The following ASIC2 variants were observed in gnomAD, a reference collection of about 807,000 sequenced individuals.
ASIC2 encodes acid sensing ion channel subunit 2, also known as acid-sensing ion channel 2.
A neutral mutation model predicts 57.3 loss-of-function variants in ASIC2; 25 were observed. The observed-to-expected ratio is 0.44, with a 90% CI of 0.32 to 0.61. The LOEUF is 0.61. ASIC2 is among the 20% of genes least tolerant of loss of function. The probability of loss-of-function intolerance (pLI) is 0.06; values close to 1 mark genes in which losing one functional copy is unlikely to be tolerated. For missense variants in ASIC2, 641 were observed against 738.1 expected (o/e 0.87, Z 1.52); for synonymous variants, 319 against 307.5 (o/e 1.04, Z -0.39).
At chr17:33,813,329 T>C (rs1483457596) in intron 1 of ASIC2, among the ~76,000 whole-genome samples, 1 of 152,172 alleles carries the variant, frequency 6.6e-6, no homozygotes, top group Non-Finnish European at 1.5e-5. Flanking sequence ...TGACATCAGA[T>C]GGTCCTCAAC....
At chr17:33,301,505 G>A (rs891357926) in intron 1 of ASIC2, among the ~76,000 whole-genome samples, 29 of 152,086 alleles carry the variant, frequency 1.9e-4, no homozygotes, top group African/African-American at 7.0e-4. Context: ...CTTAATTAAG[G>A]TGGCTGGAAA....
chr17:33,068,247 T>C (rs2092052084), intron 3 of ASIC2, among the ~76,000 whole-genome samples: 1 of 152,176 alleles, frequency 6.6e-6, no homozygotes, highest in Non-Finnish European at 1.5e-5. Context: ...CCCTCAGTCA[T>C]GAGCAAGCCA....
At chr17:33,033,200 G>C (rs984628271) in intron 3 of ASIC2, among the ~76,000 whole-genome samples, 5 of 152,196 alleles carry the variant, frequency 3.3e-5, no homozygotes, top group Non-Finnish European at 5.9e-5. Flanking sequence ...TCTGAGTTAA[G>C]ACTGGAGCTC....
chr17:34,038,544 G>T, intron 1 of ASIC2: 1 of 1,610,330 alleles, frequency 6.2e-7, no homozygotes, highest in East Asian at 2.2e-5. Flanking sequence ...CCCAAAAGAT[G>T]TAACAACAAA....
chr17:33,073,525 G>A (rs1394474084), intron 3 of ASIC2, among the ~76,000 whole-genome samples: 1 of 152,202 alleles, frequency 6.6e-6, no homozygotes, highest in Non-Finnish European at 1.5e-5. Flanking sequence ...CAAGGTGGCT[G>A]TGATGAGGCA....
At chr17:33,658,138 G>C (rs1254751469) in intron 1 of ASIC2, among the ~76,000 whole-genome samples, 2 of 152,106 alleles carry the variant, frequency 1.3e-5, no homozygotes, top group Non-Finnish European at 2.9e-5. Context: ...CTTCCATCTG[G>C]GCTCAGTCCA....
chr17:33,736,444 G>T (rs1013764640), intron 1 of ASIC2, among the ~76,000 whole-genome samples: 1 of 152,098 alleles, frequency 6.6e-6, no homozygotes, highest in African/African-American at 2.4e-5. Context: ...CACTGTATCT[G>T]CTGCTGAAGG....
intron 1 of ASIC2, among the ~76,000 whole-genome samples, chr17:33,208,360 C>T (rs1398631593): frequency 6.6e-6 from 1 of 152,144 alleles, no homozygotes; most frequent in East Asian, 1.9e-4. Context: ...AGAATGCAAG[C>T]TCCTTACTCA....
rs114897871 is a variant in ASIC2 at position 34,049,972 on chromosome 17, C to A, written c.555+106006G>T. Among the ~76,000 whole-genome samples, 1,008 of 152,254 alleles carry A rather than the reference C, an allele frequency of 6.6e-3. 19 individuals carry two copies. The highest frequency in any genetic ancestry group is 0.023 in the African/African-American group (966 of 41,548). The stretch of plus-strand genomic sequence containing the variant: ...TGAGTCCCCAACTATTTCTGAGTCT[C>A]CAGCAACAAGCATGGTTTGGCACAT... On this transcript the variant is annotated intron_variant, in intron 1 of 9. Transcript: ENST00000359872.
At chr17:33,115,544 G>A (rs989603499) in intron 1 of ASIC2, among the ~76,000 whole-genome samples, 6 of 152,212 alleles carry the variant, frequency 3.9e-5, no homozygotes, top group East Asian at 3.9e-4. Flanking sequence ...AGGCATTTCC[G>A]CATGCCTAGA....
chr17:33,942,629 T>C (rs1916217080), intron 1 of ASIC2, among the ~76,000 whole-genome samples: 1 of 152,142 alleles, frequency 6.6e-6, no homozygotes, highest in Non-Finnish European at 1.5e-5. Context: ...TCAGTGATAA[T>C]CACTATGGAA....
At chr17:33,804,425 C>T (rs1487411252) in intron 1 of ASIC2, among the ~76,000 whole-genome samples, 1 of 152,150 alleles carries the variant, frequency 6.6e-6, no homozygotes, top group Non-Finnish European at 1.5e-5. Flanking sequence ...AAGAAGCCTC[C>T]ACCCACTGGG....
chr17:33,808,241 T>C (rs895976461), intron 1 of ASIC2, among the ~76,000 whole-genome samples: 5 of 152,242 alleles, frequency 3.3e-5, no homozygotes, highest in Non-Finnish European at 7.3e-5. Context: ...CATTCTTTTT[T>C]TGCATGCGAA....
At chr17:33,795,250 C>G (rs778195416) in intron 1 of ASIC2, among the ~76,000 whole-genome samples, 1 of 152,256 alleles carries the variant, frequency 6.6e-6, no homozygotes, top group East Asian at 1.9e-4. Context: ...ACTACTCATC[C>G]TACACCATGA....
rs36039929 is a variant in ASIC2, at chr17:33,133,706, G to A, written c.709-21639C>T. The stretch of plus-strand genomic sequence containing the variant: ...TGAAATGCAGCGGCAAGGTAGGTCC[G>A]TGGTGATCTCCCGGGTGAGGCATTG... On this transcript the variant is annotated intron_variant, in intron 1 of 9. Coordinates refer to ENST00000225823, the MANE Select transcript of ASIC2 (RefSeq NM_183377.2). 8.5e-3 allele frequency among the ~76,000 whole-genome samples: 1,300 copies of A among 152,272 alleles called. 18 individuals carry two copies. The highest frequency in any genetic ancestry group is 0.029 in the African/African-American group (1,214 of 41,532).
chr17:33,928,966 A>G (rs1015021251), intron 1 of ASIC2, among the ~76,000 whole-genome samples: 8 of 152,038 alleles, frequency 5.3e-5, no homozygotes, highest in Non-Finnish European at 1.2e-4. Context: ...TCGTTCTTGG[A>G]TTCTCATGAA....
intron 1 of ASIC2, among the ~76,000 whole-genome samples, chr17:33,821,515 A>G (rs963754507): frequency 3.9e-5 from 6 of 152,182 alleles, no homozygotes; most frequent in Non-Finnish European, 5.9e-5. Flanking sequence ...GCCCTAGCAC[A>G]TGCCGACTCC....
intron 1 of ASIC2, among the ~76,000 whole-genome samples, chr17:34,144,042 A>G (rs1034079996): frequency 1.3e-5 from 2 of 152,224 alleles, no homozygotes; most frequent in Non-Finnish European, 2.9e-5. Context: ...AGGATATAAA[A>G]TCAGATACCT....
intron 1 of ASIC2, among the ~76,000 whole-genome samples, chr17:33,790,995 C>T (rs927201011): frequency 3.9e-5 from 6 of 152,214 alleles, no homozygotes; most frequent in Non-Finnish European, 8.8e-5. Context: ...CAGTCAGCCT[C>T]AGCCAGAATT....
Sources: gnomAD v4.1 joint callset for allele counts (sites outside exome capture counted in the v4.1 genomes callset) on GRCh38, gnomAD v4.1.1 for gene constraint, MANE v1.5 for transcripts, NCBI Gene and HGNC (gene_info 2026-07-23, HGNC 2026-07-21) for gene names.